Variants in TYSND1 observed in about 807,000 individuals in gnomAD.
TYSND1 encodes trypsin like peroxisomal matrix peptidase 1.
A neutral mutation model predicts 37.2 loss-of-function variants in TYSND1; 30 were observed. The ratio of observed to expected loss-of-function variants is 0.81; its 90% CI spans 0.60 to 1.09. The LOEUF is 1.09. TYSND1 is among the 50% of genes least tolerant of loss of function. TYSND1 has a pLI of 0.00. For synonymous variants in TYSND1, 364 were observed against 383.8 expected, an observed-to-expected ratio of 0.95 and a Z score of 0.60; for missense variants, 806 against 817.4, an observed-to-expected ratio of 0.99 and a Z score of 0.17.
chr10:70,140,083 G>A lies in TYSND1; in HGVS notation c.1542C>T (p.Asn514=), dbSNP rs1231354389. ...GGAGCACCGTGATGGGAATGCTGAA[G>A]TTCAGGTGGGGGTAGGTGGCCCCCG... ...NNTGATYPHL[N]FSIPITVLQP... Residue 514 remains asparagine (N), a synonymous_variant, in exon 4 of 4, where the codon AAC becomes AAT. Transcript: ENST00000287078. The A allele has an allele frequency of 6.2e-7, 1 of 1,614,012 alleles. No individual in the cohort carries two copies. The highest frequency in any genetic ancestry group is 8.5e-7 in the Non-Finnish European group (1 of 1,179,956).
At position 70,146,133 on chromosome 10, in the gene TYSND1, C is replaced by G. The variant is rs775709859; in HGVS notation, c.454G>C (p.Gly152Arg). The G allele has an allele frequency of 3.0e-5, 46 of 1,556,174 alleles. No homozygotes were observed. The highest frequency in any genetic ancestry group is 7.7e-5 in the Admixed American group (4 of 52,072). Residue 152 changes from glycine (G) to arginine (R), a missense_variant, in exon 1 of 4, where the codon GGG (glycine) becomes CGG (arginine). Physicochemically the swap from Gly to Arg is moderately radical, Grantham distance 125. Coordinates refer to ENST00000287078, the MANE Select transcript of TYSND1 (RefSeq NM_173555.4). Reference protein sequence around the residue: ...AFWAHFARLFGDEAAEQWRFS... With the variant: ...AFWAHFARLFRDEAAEQWRFS... ...CGCCACTGTTCCGCTGCCTCGTCCC[C>G]GAAGAGGCGCGCGAAGTGGGCCCAG...
At position 70,146,035 on chromosome 10, in the gene TYSND1, C is replaced by A. The variant is rs368527041; in HGVS notation, c.552G>T (p.Trp184Cys). 1 of 1,602,900 alleles carries A rather than the reference C, an allele frequency of 6.2e-7. No individual in the cohort carries two copies. Among genetic ancestry groups the A allele is most frequent in the Non-Finnish European group, 8.5e-7 (1 of 1,175,500 alleles). The change falls in exon 1 of 4, where the codon TGG becomes TGT. Residue 184 changes from tryptophan (W) to cysteine (C), a missense_variant. Trp to Cys is a radical substitution (Grantham distance 215). Coordinates refer to ENST00000287078, the MANE Select transcript of TYSND1 (RefSeq NM_173555.4). ...CTAGCCGCACGCCCAGCAGCGCAAA[C>A]CAGCCCAGCGCTCTCAGTTGATCCG... is the stretch of plus-strand genomic sequence containing the variant. ...EEADQLRALG[W>C]FALLGVRLGQ... is the part of the protein sequence containing the mutation.
chr10:70,142,265 C>A (rs2072790717), intron 3 of TYSND1, among the ~76,000 whole-genome samples: 1 of 152,200 alleles, frequency 6.6e-6, no homozygotes, highest in African/African-American at 2.4e-5. Context: ...TAGGCCCATC[C>A]TCCTTCATGG....
intron 1 of TYSND1, among the ~76,000 whole-genome samples, chr10:70,145,039 AGAG>A (rs1354802014): frequency 9.9e-5 from 15 of 152,176 alleles, no homozygotes; most frequent in Admixed American, 3.9e-4. Flanking sequence ...TATCACTTTC[AGAG>A]GAGAAGCAGC....
Position 70,146,022 on chromosome 10 carries a change from C to T in TYSND1, c.565G>A (p.Gly189Ser), listed in dbSNP as rs1483941873. The part of the protein sequence containing the change: ...LRALGWFALL[G>S]VRLGQEEVEE... Reference sequence around the variant, plus strand: ...ACCTCCTCCTGGCCTAGCCGCACGCCCAGCAGCGCAAACCAGCCCAGCGCT... The same window carrying T: ...ACCTCCTCCTGGCCTAGCCGCACGCTCAGCAGCGCAAACCAGCCCAGCGCT... The change falls in exon 1 of 4, where the codon GGC becomes AGC. Residue 189 changes from glycine (G) to serine (S), a missense_variant. This residue lies in a region of TYSND1 where 708 missense variants were observed against 705.4 expected (regional missense o/e 1.00). Coordinates refer to ENST00000287078, the MANE Select transcript of TYSND1 (RefSeq NM_173555.4). 6.2e-7 allele frequency: 1 copy of T among 1,600,724 alleles called. No homozygotes were observed. The highest frequency in any genetic ancestry group is 8.5e-7 in the Non-Finnish European group (1 of 1,174,554).
Position 70,146,674 on chromosome 10 carries a change from A to G in TYSND1, c.-88T>C. ...CTACCCGGTCCGGCTGAAGCTGCCT[A>G]GCGCCACCCACAGCTGGAAGCGAGA... is the stretch of plus-strand genomic sequence containing the variant. On this transcript the variant is annotated 5_prime_UTR_variant, in exon 1 of 4. Coordinates refer to ENST00000287078, the MANE Select transcript of TYSND1 (RefSeq NM_173555.4). 7.7e-7 allele frequency: 1 copy of G among 1,296,440 alleles called. No individual in the cohort carries two copies. The allele number at this position is 1,296,440 out of a possible 1,614,324, so 80.3% of individuals were successfully genotyped here. A position where few individuals can be genotyped will look rare whatever the true frequency, so the allele number is the denominator to read the frequency against.
chr10:70,140,098 GGTGGCCCCC>G lies in TYSND1; in HGVS notation c.1518_1526del (p.Gly507_Thr509del), dbSNP rs763104648. 6.2e-7 allele frequency: 1 copy of G among 1,613,802 alleles called. No individual in the cohort carries two copies. The highest frequency in any genetic ancestry group is 8.5e-7 in the Non-Finnish European group (1 of 1,179,728). On this transcript the variant is annotated inframe_deletion, in exon 4 of 4. Transcript: ENST00000287078. ...GAATGCTGAAGTTCAGGTGGGGGTAGGTGGCCCCCGTATTATTGTCCCGGGTGTTGCTGG... is the reference window on the plus strand; with the variant it reads ...GAATGCTGAAGTTCAGGTGGGGGTAGGTATTATTGTCCCGGGTGTTGCTGG...
chr10:70,145,385 GA>G, intron 1 of TYSND1, 35 bp downstream of exon 1: 2 of 1,375,020 alleles, frequency 1.5e-6, no homozygotes. Context: ...CTGAGACCTG[GA>G]AAGGGATGAA....
At chr10:70,144,466 T>C (rs528005223) in intron 1 of TYSND1, 1 of 995,552 alleles carries the variant, frequency 1.0e-6, no homozygotes, top group South Asian at 4.4e-5. Flanking sequence ...TTCACTCCTC[T>C]GGGTCCCTAT....
intron 3 of TYSND1, among the ~76,000 whole-genome samples, chr10:70,140,494 A>G (rs1050928561): frequency 1.6e-4 from 25 of 151,656 alleles, no homozygotes; most frequent in African/African-American, 6.1e-4. Flanking sequence ...TAGGCGCGCA[A>G]CAAAGGCTTG....
chr10:70,143,710 G>T, intron 2 of TYSND1, 132 bp downstream of exon 2: 1 of 1,128,894 alleles, frequency 8.9e-7, no homozygotes, highest in Non-Finnish European at 1.2e-6. Context: ...AGCACAAAAA[G>T]GGAGGCAGGC....
chr10:70,139,827 AG>A lies in TYSND1; in HGVS notation c.*96del. 1 of 1,253,490 alleles carries A rather than the reference AG, an allele frequency of 8.0e-7. No individual in the cohort carries two copies. 77.6% of individuals were successfully genotyped at this position (1,253,490 alleles called of 1,614,324 possible). A position where few individuals can be genotyped will look rare whatever the true frequency, so the allele number is the denominator to read the frequency against. ...GATGAGAGGCAGCCTGGGCCCCTGC[AG>A]GGGCTGGGCCCTGAATCCTGAGGCC... On this transcript the variant is annotated 3_prime_UTR_variant, in exon 4 of 4. Transcript: ENST00000287078.
Position 70,139,791 on chromosome 10 carries a change from C to T in TYSND1, c.*133G>A, listed in dbSNP as rs1030896504. Reference sequence around the variant, plus strand: ...CAGAGCCCAAAGCCCAGTCTGCAGTCAGTGGGTGGAGATGAGAGGCAGCCT... The same window carrying T: ...CAGAGCCCAAAGCCCAGTCTGCAGTTAGTGGGTGGAGATGAGAGGCAGCCT... On this transcript the variant is annotated 3_prime_UTR_variant, in exon 4 of 4. Transcript: ENST00000287078. 1.1e-5 allele frequency: 9 copies of T among 843,898 alleles called. No individual in the cohort carries two copies. Among genetic ancestry groups the T allele is most frequent in the African/African-American group, 1.0e-4 (6 of 58,658 alleles). 52.3% of individuals were successfully genotyped at this position (843,898 alleles called of 1,614,324 possible).
In TYSND1 at chr10:70,140,531, GAAT is replaced by G. The variant is rs1167713617; in HGVS notation, c.1484-393_1484-391del. ...TGAATGAATGAATGAATGAATGAAT[GAAT>G]GAATGAATGAATGAATGAATCAGAC... On this transcript the variant is annotated intron_variant, in intron 3 of 3. Coordinates refer to ENST00000287078, the MANE Select transcript of TYSND1 (RefSeq NM_173555.4). Among the ~76,000 whole-genome samples the G allele has an allele frequency of 1.5e-3, 225 of 150,612 alleles. 2 individuals are homozygous for G. The Middle Eastern group carries it at 0.058, about 39-fold the overall frequency.
In TYSND1 at chr10:70,146,643, G is replaced by A; in HGVS notation, c.-57C>T. ...CGAGAAACAGCAAGCTAGCGAGCGA[G>A]GACCCCTACCCGGTCCGGCTGAAGC... On this transcript the variant is annotated 5_prime_UTR_variant, in exon 1 of 4. Coordinates refer to ENST00000287078, the MANE Select transcript of TYSND1 (RefSeq NM_173555.4). 7.0e-7 allele frequency: 1 copy of A among 1,438,312 alleles called. No individual in the cohort carries two copies. Among genetic ancestry groups the A allele is most frequent in the Middle Eastern group, 2.4e-4 (1 of 4,192 alleles). The allele number at this position is 1,438,312 out of a possible 1,614,324, so 89.1% of individuals were successfully genotyped here. A position where few individuals can be genotyped will look rare whatever the true frequency, so the allele number is the denominator to read the frequency against.
In TYSND1 at chr10:70,140,065, C is replaced by T. The variant is rs1439645939; in HGVS notation, c.1560G>A (p.Thr520=). 11 of 1,614,008 alleles carry T rather than the reference C, an allele frequency of 6.8e-6. No homozygotes were observed. The Admixed American group carries it at 1.7e-4, about 24-fold the overall frequency. The change falls in exon 4 of 4, where the codon ACG becomes ACA. Residue 520 remains threonine, a synonymous_variant. Coordinates refer to ENST00000287078, the MANE Select transcript of TYSND1 (RefSeq NM_173555.4). Reference sequence around the variant, plus strand: ...ACTGCTGCAGGGCCGGCTGGAGCACCGTGATGGGAATGCTGAAGTTCAGGT... The same window carrying T: ...ACTGCTGCAGGGCCGGCTGGAGCACTGTGATGGGAATGCTGAAGTTCAGGT... ...YPHLNFSIPI[T]VLQPALQQYS... is the part of the protein sequence containing the mutation.
rs1379921560 is a variant in TYSND1 at position 70,146,422 on chromosome 10, G to C, written c.165C>G (p.Pro55=). The C allele has an allele frequency of 6.2e-7, 1 of 1,601,582 alleles. No individual in the cohort carries two copies. Among genetic ancestry groups the C allele is most frequent in the South Asian group, 1.1e-5 (1 of 90,104 alleles). ...LVLCHGGIFV[P]FLRAGSEVLT... ...GGACTTCGCTGCCAGCTCGCAGGAA[G>C]GGGACGAAGATGCCCCCGTGGCAAA... Residue 55 remains proline, a synonymous_variant, in exon 1 of 4, where the codon CCC becomes CCG. Transcript: ENST00000287078.
chr10:70,145,460 C>T lies in TYSND1; in HGVS notation c.1127G>A (p.Arg376Gln). The change falls in exon 1 of 4, where the codon CGG becomes CAG. Residue 376 changes from arginine to glutamine, a missense_variant. Around this residue, in one of 3 missense-constraint regions of TYSND1, gnomAD observed 708 missense variants for 705.4 expected, o/e 1.00. Transcript: ENST00000287078. ...LVVTCRHVSP[R>Q]EAARVLVRST... is the part of the protein sequence containing the mutation. Reference sequence around the variant, plus strand: ...GCGCACCAGGACCCTGGCTGCTTCCCGAGGGGACACGTGCCGACAGGTCAC... The same window carrying T: ...GCGCACCAGGACCCTGGCTGCTTCCTGAGGGGACACGTGCCGACAGGTCAC... 1 of 1,476,978 alleles carries T rather than the reference C, an allele frequency of 6.8e-7. No homozygotes were observed. The highest frequency in any genetic ancestry group is 9.0e-7 in the Non-Finnish European group (1 of 1,115,656). 91.5% of individuals were successfully genotyped at this position (1,476,978 alleles called of 1,614,324 possible). A position where few individuals can be genotyped will look rare whatever the true frequency, so the allele number is the denominator to read the frequency against.
At chr10:70,144,013 TC>T (rs1342750695) in intron 1 of TYSND1, 41 bp from the exon 2 acceptor site, 1 of 1,612,500 alleles carries the variant, frequency 6.2e-7, no homozygotes, top group African/African-American at 1.3e-5. Flanking sequence ...GCTTTCTGAC[TC>T]CTCAGTACTT....
Sources: allele counts gnomAD v4.1 joint callset (sites outside exome capture counted in the v4.1 genomes callset), GRCh38; gene constraint gnomAD v4.1.1; regional missense constraint gnomAD v4.1.1; transcripts MANE v1.5; gene names NCBI Gene and HGNC (gene_info 2026-07-23, HGNC 2026-07-21).